MET: variants seen among roughly 807,000 people sequenced by gnomAD.
The protein encoded by MET is hepatocyte growth factor receptor.
MET carries 48 observed loss-of-function variants against 133.1 expected under a neutral mutation model. The observed-to-expected ratio is 0.36, with a 90% CI of 0.29 to 0.46. The LOEUF (loss-of-function observed/expected upper bound fraction) is 0.46. Among genes scored for constraint, MET ranks in the 20% least tolerant of loss-of-function variants. The pLI, the probability that MET is intolerant of heterozygous loss-of-function variation, is 1.00. For missense variants in MET, 1,442 were observed against 1,695.9 expected (o/e 0.85, Z 2.63); for synonymous variants, 628 against 616.5 (o/e 1.02, Z -0.28).
chr7:116,794,105 T>C (rs1795600363), intron 19 of MET, among the ~76,000 whole-genome samples: 1 of 152,158 alleles, frequency 6.6e-6, no homozygotes, highest in Non-Finnish European at 1.5e-5. Flanking sequence ...GCAACCTTTG[T>C]ACCTCTTTGA....
At chr7:116,729,826 T>G (rs559834327) in intron 2 of MET, among the ~76,000 whole-genome samples, 3 of 152,324 alleles carry the variant, frequency 2.0e-5, no homozygotes, top group South Asian at 2.1e-4. Context: ...TATAGTTTTA[T>G]ATCTCCATAC....
chr7:116,673,724 C>G (rs911756630), intron 1 of MET, among the ~76,000 whole-genome samples: 3 of 152,202 alleles, frequency 2.0e-5, no homozygotes, highest in Non-Finnish European at 4.4e-5. Flanking sequence ...TCATGTTTCT[C>G]TGTGCTACAG....
rs760153701 is a variant in MET, at chr7:116,771,984, C to T, written c.3023C>T (p.Pro1008Leu). ...TCTGTAGACTACCGAGCTACTTTTC[C>T]AGAAGGTATATTTCAGTTTATTGTT... ...NESVDYRATF[P>L]EDQFPNSSQN... The change falls in exon 14 of 21, where the codon CCA (proline) becomes CTA (leucine). Residue 1008 changes from proline to leucine, a missense_variant. This residue lies in a region of MET where 514 missense variants were observed against 659.6 expected (regional missense o/e 0.78). Transcript: ENST00000397752. 1 of 1,613,724 alleles carries T rather than the reference C, an allele frequency of 6.2e-7. No homozygotes were observed.
intron 1 of MET, among the ~76,000 whole-genome samples, chr7:116,684,476 A>G (rs1796475889): frequency 6.6e-6 from 1 of 152,218 alleles, no homozygotes; most frequent in Admixed American, 6.5e-5. Flanking sequence ...TAAGGGGAAG[A>G]CAGGTTTGAT....
intron 4 of MET, among the ~76,000 whole-genome samples, chr7:116,740,365 A>G (rs1369682603): frequency 6.6e-6 from 1 of 152,210 alleles, no homozygotes; most frequent in Admixed American, 6.5e-5. Context: ...AGTCCTAATG[A>G]CAGAGCTCTA....
chr7:116,705,454 G>A (rs1319545780), intron 2 of MET, among the ~76,000 whole-genome samples: 4 of 152,072 alleles, frequency 2.6e-5, no homozygotes, highest in African/African-American at 9.7e-5. Flanking sequence ...TCAAGAGAAT[G>A]TATTTTGTAT....
Position 116,778,906 on chromosome 7 carries a change from A to C in MET, c.3471A>C (p.Leu1157=). Residue 1157 remains leucine (L), a synonymous_variant, in exon 17 of 21, where the codon CTA becomes CTC. Coordinates refer to ENST00000397752, the MANE Select transcript of MET (RefSeq NM_000245.4). The part of the protein sequence containing the change: ...LRSEGSPLVV[L]PYMKHGDLRN... ...GTGAAGGGTCTCCGCTGGTGGTCCT[A>C]CCATACATGAAACATGGAGATCTTC... The C allele has an allele frequency of 6.2e-7, 1 of 1,614,016 alleles. No homozygotes were observed. The highest frequency in any genetic ancestry group is 8.5e-7 in the Non-Finnish European group (1 of 1,179,962).
At chr7:116,759,836 G>C (rs1353611697) in intron 10 of MET, among the ~76,000 whole-genome samples, 2 of 152,156 alleles carry the variant, frequency 1.3e-5, no homozygotes, top group South Asian at 4.1e-4. Context: ...GAGTGCAAGG[G>C]CACGATCTCA....
Position 116,771,667 on chromosome 7 carries a change from T to C in MET, c.2887+13T>C. 1 of 1,613,528 alleles carries C rather than the reference T, an allele frequency of 6.2e-7. No individual in the cohort carries two copies. Among genetic ancestry groups the C allele is most frequent in the South Asian group, 1.1e-5 (1 of 91,052 alleles). On this transcript the variant is annotated intron_variant, in intron 13 of 20. Coordinates refer to ENST00000397752, the MANE Select transcript of MET (RefSeq NM_000245.4). ...AAGCAAATTAAAGGTGCATTTTTGT[T>C]ACTGTTCATTTTTAGAAGTTACCTT...
At chr7:116,744,731 A>G (rs1280013458) in intron 5 of MET, among the ~76,000 whole-genome samples, 2 of 152,214 alleles carry the variant, frequency 1.3e-5, no homozygotes, top group East Asian at 3.8e-4. Context: ...ACCAAGACAC[A>G]TAATAGTCAG....
rs1302786361 is a variant in MET at position 116,719,903 on chromosome 7, T to G, written c.1201-11765T>G. 1.3e-5 allele frequency among the ~76,000 whole-genome samples: 2 copies of G among 152,218 alleles called. 1 individual carries two copies. Among genetic ancestry groups the G allele is most frequent in the East Asian group, 3.9e-4 (2 of 5,180 alleles). Reference sequence around the variant, plus strand: ...TTTTGGTTACTGTAGCCTTGTAGTATAGTTTGAAGTCAGGTAGCGTGATGC... The same window carrying G: ...TTTTGGTTACTGTAGCCTTGTAGTAGAGTTTGAAGTCAGGTAGCGTGATGC... On this transcript the variant is annotated intron_variant, in intron 2 of 20. Transcript: ENST00000397752.
intron 2 of MET, among the ~76,000 whole-genome samples, chr7:116,710,333 G>T (rs1475706415): frequency 6.6e-6 from 1 of 152,142 alleles, no homozygotes; most frequent in East Asian, 1.9e-4. Flanking sequence ...AATTTCAAAA[G>T]GTCAAAGCAG....
intron 14 of MET, among the ~76,000 whole-genome samples, chr7:116,773,368 C>A (rs1794892433): frequency 6.6e-6 from 1 of 152,168 alleles, no homozygotes; most frequent in Admixed American, 6.5e-5. Context: ...GGGTGGCACA[C>A]TGATGGTTTC....
intron 2 of MET, among the ~76,000 whole-genome samples, chr7:116,718,128 C>G (rs200147283): frequency 6.6e-6 from 1 of 152,130 alleles, no homozygotes; most frequent in African/African-American, 2.4e-5. Context: ...GTGGCTCACA[C>G]CTGTAATCCC....
In MET at chr7:116,740,839, C is replaced by A. The variant is rs751613983; in HGVS notation, c.1528-13C>A. On this transcript the variant is annotated splice_polypyrimidine_tract_variant and intron_variant, in intron 4 of 20. Coordinates refer to ENST00000397752, the MANE Select transcript of MET (RefSeq NM_000245.4). The stretch of plus-strand genomic sequence containing the variant: ...ACCCCTCTGGAAGCTCTTTCCACCC[C>A]TTCTCTTCACAGATCACGAAGATCC... The A allele has an allele frequency of 4.3e-6, 7 of 1,613,790 alleles. No individual in the cohort carries two copies. In the African/African-American group the frequency reaches 6.7e-5, roughly 15 times the overall value.
rs2116576794 is a variant in MET at position 116,699,045 on chromosome 7, C to T, written c.-14-26C>T. ...CTCTTCATTTCTGACAACTGAACTG[C>T]TCTCGCCTTGAACCTGTTTTGGCAG... On this transcript the variant is annotated intron_variant, in intron 1 of 20. Coordinates refer to ENST00000397752, the MANE Select transcript of MET (RefSeq NM_000245.4). 5.0e-6 allele frequency: 8 copies of T among 1,613,430 alleles called. No homozygotes were observed. Among genetic ancestry groups the T allele is most frequent in the Non-Finnish European group, 6.8e-6 (8 of 1,179,766 alleles).
At chr7:116,759,596 T>C in intron 10 of MET, 106 bp downstream of exon 10, 1 of 1,299,222 alleles carries the variant, frequency 7.7e-7, no homozygotes, top group Admixed American at 2.0e-5. Context: ...TAAGGTTTGC[T>C]AGTTAATTTC....
intron 19 of MET, among the ~76,000 whole-genome samples, chr7:116,785,472 G>C (rs1369763148): frequency 6.6e-6 from 1 of 152,150 alleles, no homozygotes; most frequent in African/African-American, 2.4e-5. Context: ...TTTCACCAAG[G>C]GGAGAGGTGC....
In MET at chr7:116,755,516, G is replaced by A. The variant is rs1013431413; in HGVS notation, c.1862+1G>A. 1.9e-6 allele frequency: 3 copies of A among 1,614,044 alleles called. No homozygotes were observed. The highest frequency in any genetic ancestry group is 2.5e-6 in the Non-Finnish European group (3 of 1,179,944). Reference sequence around the variant, plus strand: ...CTTTAAGTGAGAGCACGATGAATACGTAAGGATCTTAAAATGCTTTGCTGG... The same window carrying A: ...CTTTAAGTGAGAGCACGATGAATACATAAGGATCTTAAAATGCTTTGCTGG... On this transcript the variant is annotated splice_donor_variant, in intron 6 of 20. Coordinates refer to ENST00000397752, the MANE Select transcript of MET (RefSeq NM_000245.4). LOFTEE classifies it high-confidence loss of function.
Sources: gnomAD v4.1 joint callset for allele counts (sites outside exome capture counted in the v4.1 genomes callset) on GRCh38, gnomAD v4.1.1 for gene constraint, gnomAD v4.1.1 regional missense constraint, MANE v1.5 for transcripts, NCBI Gene and HGNC (gene_info 2026-07-23, HGNC 2026-07-21) for gene names.